The following LMX1A variants were observed in gnomAD, a reference collection of about 807,000 sequenced individuals.
LMX1A encodes the protein LIM homeobox transcription factor 1-alpha.
LMX1A carries 15 observed loss-of-function variants against 49.1 expected under a neutral mutation model. The ratio of observed to expected loss-of-function variants is 0.31; its 90% CI spans 0.20 to 0.47. LMX1A has a LOEUF of 0.47. Among genes scored for constraint, LMX1A ranks in the 20% least tolerant of loss-of-function variants. The pLI is 1.00. For missense variants in LMX1A, 372 were observed against 475.8 expected, an observed-to-expected ratio of 0.78 and a Z score of 2.03; for synonymous variants, 167 against 185.7, an observed-to-expected ratio of 0.90 and a Z score of 0.82.
intron 3 of LMX1A, among the ~76,000 whole-genome samples, chr1:165,283,269 C>T (rs1052422413): frequency 1.3e-5 from 2 of 152,220 alleles, no homozygotes; most frequent in African/African-American, 4.8e-5. Flanking sequence ...GCAATAGGTT[C>T]TACCACACAG....
At chr1:165,284,566 C>G (rs1231388289) in intron 3 of LMX1A, among the ~76,000 whole-genome samples, 3 of 152,206 alleles carry the variant, frequency 2.0e-5, no homozygotes, top group Non-Finnish European at 2.9e-5. Context: ...TACCCAGACC[C>G]CCTCCGCTGG....
At chr1:165,285,478 G>C (rs1160734827) in intron 3 of LMX1A, among the ~76,000 whole-genome samples, 1 of 152,216 alleles carries the variant, frequency 6.6e-6, no homozygotes, top group East Asian at 1.9e-4. Context: ...CACCTTTTCT[G>C]TTCTAAGAGC....
intron 3 of LMX1A, among the ~76,000 whole-genome samples, chr1:165,318,177 G>A (rs752738112): frequency 1.5e-4 from 23 of 152,126 alleles, no homozygotes; most frequent in Non-Finnish European, 7.4e-5. Flanking sequence ...TTTACCTTAT[G>A]GTTCTGTTCA....
chr1:165,356,382 T>C lies in LMX1A; in HGVS notation c.-50A>G, dbSNP rs1656619626. On this transcript the variant is annotated 5_prime_UTR_variant, in exon 1 of 9. Coordinates refer to ENST00000342310, the MANE Select transcript of LMX1A (RefSeq NM_177398.4). The stretch of plus-strand genomic sequence containing the variant: ...GGTAGGCGAGCTCTCTCCCAGTGAC[T>C]GGAGCAGAGAGAAGTTGCGGAGCGC... The C allele has an allele frequency of 6.6e-6, 1 of 152,144 alleles. No individual in the cohort carries two copies. 9.4% of individuals were successfully genotyped at this position (152,144 alleles called of 1,614,324 possible).
At chr1:165,316,150 G>C (rs1255694705) in intron 3 of LMX1A, among the ~76,000 whole-genome samples, 2 of 152,204 alleles carry the variant, frequency 1.3e-5, no homozygotes, top group African/African-American at 4.8e-5. Context: ...TTTCTTTCTT[G>C]GTTGGGTAGC....
chr1:165,208,342 G>A (rs906806994), intron 6 of LMX1A, among the ~76,000 whole-genome samples: 14 of 152,226 alleles, frequency 9.2e-5, no homozygotes, highest in African/African-American at 3.1e-4. Context: ...TATAAAGACA[G>A]CTGGCTGGGA....
chr1:165,331,689 G>A (rs1426989701), intron 3 of LMX1A, among the ~76,000 whole-genome samples: 1 of 152,186 alleles, frequency 6.6e-6, no homozygotes, highest in Non-Finnish European at 1.5e-5. Flanking sequence ...GGCCAAGGTG[G>A]GTGAATCCCT....
At chr1:165,212,740 T>A (rs932549510) in intron 5 of LMX1A, 8 of 152,310 alleles carry the variant, frequency 5.3e-5, no homozygotes, top group African/African-American at 1.9e-4. Flanking sequence ...CTGCTAATTG[T>A]CCCCAATATC....
At chr1:165,314,762 G>T (rs1439626544) in intron 3 of LMX1A, among the ~76,000 whole-genome samples, 2 of 152,100 alleles carry the variant, frequency 1.3e-5, no homozygotes, top group African/African-American at 4.8e-5. Flanking sequence ...AAAACTAGCA[G>T]TTTCTGTTTT....
chr1:165,317,645 C>T (rs1314805488), intron 3 of LMX1A, among the ~76,000 whole-genome samples: 1 of 152,178 alleles, frequency 6.6e-6, no homozygotes, highest in Admixed American at 6.5e-5. Flanking sequence ...AGTGGGGCTC[C>T]AGGCCCAGAA....
intron 7 of LMX1A, among the ~76,000 whole-genome samples, 163 bp downstream of exon 7, chr1:165,207,900 C>G (rs1433295900): frequency 6.6e-6 from 1 of 152,200 alleles, no homozygotes; most frequent in East Asian, 1.9e-4. Flanking sequence ...CTCACAAGTT[C>G]CTCGTGGCTC....
intron 3 of LMX1A, among the ~76,000 whole-genome samples, chr1:165,311,746 TC>T: frequency 6.6e-6 from 1 of 152,188 alleles, no homozygotes; most frequent in Admixed American, 6.5e-5. Context: ...AAAAGCAAGC[TC>T]TTCAGGCTTC....
intron 3 of LMX1A, among the ~76,000 whole-genome samples, chr1:165,318,995 TCTCTCA>T (rs1464493961): frequency 3.1e-5 from 2 of 63,632 alleles, no homozygotes; most frequent in African/African-American, 1.2e-4. Flanking sequence ...TCTCTCTCTC[TCTCTCA>T]CACACACACA....
intron 3 of LMX1A, among the ~76,000 whole-genome samples, chr1:165,334,488 C>A (rs1392787758): frequency 6.6e-6 from 1 of 152,090 alleles, no homozygotes; most frequent in Non-Finnish European, 1.5e-5. Context: ...TGTGAAGGAA[C>A]TGAGGCACAG....
intron 3 of LMX1A, among the ~76,000 whole-genome samples, chr1:165,338,883 G>A (rs2101760163): frequency 6.6e-6 from 1 of 152,220 alleles, no homozygotes; most frequent in East Asian, 1.9e-4. Context: ...CTTTTCTATG[G>A]TTATATGGAT....
chr1:165,226,104 AAGACGGGC>A (rs1400700036), intron 4 of LMX1A, among the ~76,000 whole-genome samples: 1 of 152,178 alleles, frequency 6.6e-6, no homozygotes, highest in African/African-American at 2.4e-5. Context: ...AACGTAACCT[AAGACGGGC>A]AGGTGCAGGG....
chr1:165,232,483 A>G (rs922785568), intron 4 of LMX1A, among the ~76,000 whole-genome samples: 1 of 152,110 alleles, frequency 6.6e-6, no homozygotes, highest in African/African-American at 2.4e-5. Flanking sequence ...GCAAAGGGGG[A>G]AGTAGAGGAA....
intron 4 of LMX1A, among the ~76,000 whole-genome samples, chr1:165,219,348 A>T (rs1651754945): frequency 6.6e-6 from 1 of 152,148 alleles, no homozygotes; most frequent in Non-Finnish European, 1.5e-5. Flanking sequence ...GGGCAGGGAG[A>T]GGCAGGAATG....
At chr1:165,352,919 G>T (rs1011534356) in intron 3 of LMX1A, among the ~76,000 whole-genome samples, 157 bp downstream of exon 3, 4 of 152,244 alleles carry the variant, frequency 2.6e-5, no homozygotes, top group African/African-American at 7.2e-5. Flanking sequence ...CCACCTTCCC[G>T]TGAGGGGCAA....
Sources: gnomAD v4.1 joint callset for allele counts (sites outside exome capture counted in the v4.1 genomes callset) on GRCh38, gnomAD v4.1.1 for gene constraint, MANE v1.5 for transcripts, NCBI Gene and HGNC (gene_info 2026-07-23, HGNC 2026-07-21) for gene names.